Variants in ZNF385B observed in about 807,000 individuals in gnomAD.
ZNF385B encodes zinc finger protein 533.
ZNF385B carries 23 observed loss-of-function variants against 39.2 expected under a neutral mutation model. The ratio of observed to expected loss-of-function variants is 0.59; its 90% CI spans 0.42 to 0.83. ZNF385B has a LOEUF of 0.83. Among genes scored for constraint, ZNF385B ranks in the 40% least tolerant of loss-of-function variants. ZNF385B has a pLI of 0.00. For missense variants in ZNF385B, 552 were observed against 598.9 expected (o/e 0.92, Z 0.82); for synonymous variants, 205 against 222.6 (o/e 0.92, Z 0.70).
intron 3 of ZNF385B, among the ~76,000 whole-genome samples, chr2:179,753,522 C>T (rs1702814880): frequency 6.6e-6 from 1 of 152,114 alleles, no homozygotes; most frequent in Admixed American, 6.5e-5. Context: ...TATAAATTAC[C>T]TTGGGCTTTA....
intron 3 of ZNF385B, among the ~76,000 whole-genome samples, chr2:179,569,800 A>G (rs1214466724): frequency 6.6e-6 from 1 of 152,212 alleles, no homozygotes; most frequent in Non-Finnish European, 1.5e-5. Flanking sequence ...AAGAATTCCA[A>G]TAAGACTTAG....
chr2:179,715,716 A>G (rs898274994), intron 3 of ZNF385B, among the ~76,000 whole-genome samples: 1 of 152,164 alleles, frequency 6.6e-6, no homozygotes, highest in Non-Finnish European at 1.5e-5. Flanking sequence ...ATATTTACCC[A>G]TTATAAAATA....
chr2:179,720,290 A>C lies in ZNF385B; in HGVS notation c.298+49213T>G, dbSNP rs1375945818. 9.9e-5 allele frequency among the ~76,000 whole-genome samples: 15 copies of C among 152,094 alleles called. 1 individual carries two copies. ...GAGTAACCACCAAAAGAATACATTT[A>C]GAATAAAAATTTCCAAACATGTAGA... is the stretch of plus-strand genomic sequence containing the variant. On this transcript the variant is annotated intron_variant, in intron 3 of 9. Coordinates refer to ENST00000410066, the MANE Select transcript of ZNF385B (RefSeq NM_152520.6).
chr2:179,822,750 C>T (rs1409103478), intron 1 of ZNF385B, among the ~76,000 whole-genome samples: 1 of 152,164 alleles, frequency 6.6e-6, no homozygotes, highest in Non-Finnish European at 1.5e-5. Context: ...AAAATGACGT[C>T]ATTGGAATAC....
intron 6 of ZNF385B, among the ~76,000 whole-genome samples, chr2:179,460,764 T>C (rs2051242521): frequency 2.0e-5 from 3 of 152,214 alleles, no homozygotes; most frequent in Admixed American, 6.5e-5. Context: ...CAGTTTTCCA[T>C]ACCTCTACGA....
chr2:179,575,745 TAAGTGGTAGTTATGCCC>T (rs1685735313), intron 3 of ZNF385B, among the ~76,000 whole-genome samples: 1 of 152,124 alleles, frequency 6.6e-6, no homozygotes, highest in Admixed American at 6.5e-5. Flanking sequence ...GCATGAAGAA[TAAGTGGTAGTTATGCCC>T]AAGTGTTTTG....
intron 1 of ZNF385B, among the ~76,000 whole-genome samples, chr2:179,777,547 G>A (rs1267001152): frequency 1.3e-5 from 2 of 151,912 alleles, no homozygotes; most frequent in Non-Finnish European, 2.9e-5. Context: ...ACTAATATTT[G>A]TAATGATAAT....
chr2:179,528,506 A>G (rs925097399), intron 4 of ZNF385B, among the ~76,000 whole-genome samples: 1 of 152,238 alleles, frequency 6.6e-6, no homozygotes, highest in Non-Finnish European at 1.5e-5. Flanking sequence ...GTGTGAGGAT[A>G]TTACAACAAA....
intron 3 of ZNF385B, among the ~76,000 whole-genome samples, chr2:179,634,896 G>A (rs1173452995): frequency 6.6e-6 from 1 of 151,414 alleles, no homozygotes; most frequent in East Asian, 2.0e-4. Context: ...TTGGGAGGCT[G>A]AGGCAGGCAG....
rs1230975346 is a variant in ZNF385B, at chr2:179,442,785, ACT to A, written c.*463_*464del. On this transcript the variant is annotated 3_prime_UTR_variant, in exon 10 of 10. Transcript: ENST00000410066. ...TATCCACAAGTAAGCACTTGTGTTC[ACT>A]GTTTTTTGTTCCACACTAGAATACA... 4.3e-6 allele frequency: 1 copy of A among 230,616 alleles called. No individual in the cohort carries two copies. The highest frequency in any genetic ancestry group is 8.6e-6 in the Non-Finnish European group (1 of 115,840). 14.3% of individuals were successfully genotyped at this position (230,616 alleles called of 1,614,324 possible).
intron 6 of ZNF385B, among the ~76,000 whole-genome samples, chr2:179,455,341 C>A (rs2050568390): frequency 6.6e-6 from 1 of 151,800 alleles, no homozygotes; most frequent in Admixed American, 6.6e-5. Context: ...GTGTCATGGG[C>A]TGGAGCCGGT....
chr2:179,498,717 T>A (rs1342650850), intron 5 of ZNF385B, among the ~76,000 whole-genome samples: 1 of 151,836 alleles, frequency 6.6e-6, no homozygotes, highest in African/African-American at 2.4e-5. Context: ...TTTAAGTGCC[T>A]ACATCAAAAA....
intron 3 of ZNF385B, among the ~76,000 whole-genome samples, chr2:179,662,389 GTA>G (rs1694601095): frequency 6.6e-6 from 1 of 150,666 alleles, no homozygotes; most frequent in African/African-American, 2.4e-5. Context: ...TGGGCAGTGG[GTA>G]CTTCTTGCCT....
At chr2:179,852,035 G>A (rs555198835) in intron 1 of ZNF385B, among the ~76,000 whole-genome samples, 15 of 152,176 alleles carry the variant, frequency 9.9e-5, no homozygotes, top group Non-Finnish European at 1.9e-4. Context: ...TGTAAGCTAT[G>A]CACAGTGAGG....
intron 1 of ZNF385B, among the ~76,000 whole-genome samples, chr2:179,836,680 G>A (rs912562391): frequency 2.0e-5 from 3 of 150,970 alleles, no homozygotes; most frequent in African/African-American, 4.9e-5. Context: ...CACCGTGCCC[G>A]GCTAATTTTT....
chr2:179,854,600 C>T (rs529241194), intron 1 of ZNF385B, among the ~76,000 whole-genome samples: 2 of 152,258 alleles, frequency 1.3e-5, no homozygotes, highest in South Asian at 4.1e-4. Flanking sequence ...AGAGTCCAGG[C>T]CTCCAGACGA....
intron 3 of ZNF385B, among the ~76,000 whole-genome samples, chr2:179,623,384 A>G (rs939640734): frequency 6.6e-6 from 1 of 152,156 alleles, no homozygotes; most frequent in Non-Finnish European, 1.5e-5. Flanking sequence ...TGAGAGCACA[A>G]ATGGCTAAAC....
At chr2:179,696,772 C>T (rs542086694) in intron 3 of ZNF385B, among the ~76,000 whole-genome samples, 1 of 152,262 alleles carries the variant, frequency 6.6e-6, no homozygotes, top group African/African-American at 2.4e-5. Context: ...TATTATATAT[C>T]ACTACCTGAA....
At chr2:179,845,542 C>G (rs1249477202) in intron 1 of ZNF385B, among the ~76,000 whole-genome samples, 1 of 152,282 alleles carries the variant, frequency 6.6e-6, no homozygotes, top group East Asian at 1.9e-4. Context: ...ATCCAAAGGG[C>G]ATGTCACACC....
Sources: gnomAD v4.1 joint callset for allele counts (sites outside exome capture counted in the v4.1 genomes callset) on GRCh38, gnomAD v4.1.1 for gene constraint, MANE v1.5 for transcripts, NCBI Gene and HGNC (gene_info 2026-07-23, HGNC 2026-07-21) for gene names.